The following FERMT1 variants were observed in gnomAD, a reference collection of about 807,000 sequenced individuals.
FERMT1 encodes FERM domain containing kindlin 1.
In FERMT1, 60 loss-of-function variants were observed where a neutral mutation model predicts 85.3. That is an observed-to-expected ratio of 0.70 (90% CI 0.57 to 0.87). FERMT1 has a LOEUF of 0.87. FERMT1 is among the 40% of genes least tolerant of loss of function. The pLI is 0.00. For missense variants in FERMT1, 701 were observed against 818.9 expected, an observed-to-expected ratio of 0.86 and a Z score of 1.76; for synonymous variants, 275 against 301.1, an observed-to-expected ratio of 0.91 and a Z score of 0.90.
chr20:6,119,029 C>A (rs974704928), intron 2 of FERMT1, among the ~76,000 whole-genome samples: 4 of 151,908 alleles, frequency 2.6e-5, no homozygotes, highest in Non-Finnish European at 4.4e-5. Context: ...CTCACTGCAA[C>A]CCCCGCCTCC....
In FERMT1 at chr20:6,077,322, C is replaced by T. The variant is rs1347340686; in HGVS notation, c.1885G>A (p.Val629Ile). 4 of 1,613,996 alleles carry T rather than the reference C, an allele frequency of 2.5e-6. No individual in the cohort carries two copies. In the African/African-American group the frequency reaches 5.3e-5, roughly 22 times the overall value. Residue 629 changes from valine (V) to isoleucine (I), a missense_variant, in exon 15 of 15, where the codon GTC becomes ATC. Physicochemically the swap from Val to Ile is conservative, Grantham distance 29. Transcript: ENST00000217289. ...CTCAGGCAGGTGAAAGCAGTAAAGACGTTTTGGTCAAACTCGATGACCACC... is the reference window on the plus strand; with the variant it reads ...CTCAGGCAGGTGAAAGCAGTAAAGATGTTTTGGTCAAACTCGATGACCACC... ...RQVVIEFDQNVFTAFTCLSAD... is the reference protein window; with the variant it reads ...RQVVIEFDQNIFTAFTCLSAD...
At chr20:6,092,824 T>C (rs573407143) in intron 9 of FERMT1, among the ~76,000 whole-genome samples, 2 of 152,314 alleles carry the variant, frequency 1.3e-5, no homozygotes, top group African/African-American at 4.8e-5. Flanking sequence ...CCTCAAACCA[T>C]GACAACCTGT....
chr20:6,106,828 T>C (rs1016948763), intron 6 of FERMT1, among the ~76,000 whole-genome samples: 5 of 152,156 alleles, frequency 3.3e-5, no homozygotes, highest in African/African-American at 9.7e-5. Flanking sequence ...TGCACCATCA[T>C]GTGATCCTAG....
intron 9 of FERMT1, among the ~76,000 whole-genome samples, chr20:6,091,227 CT>C (rs111352312): frequency 3.3e-5 from 5 of 150,984 alleles, no homozygotes; most frequent in African/African-American, 1.2e-4. Flanking sequence ...TAAGACAGTT[CT>C]TTTTTTTGTT....
intron 2 of FERMT1, among the ~76,000 whole-genome samples, chr20:6,118,980 C>T (rs897098583): frequency 6.6e-5 from 10 of 150,768 alleles, no homozygotes; most frequent in Non-Finnish European, 1.2e-4. Context: ...CCGAGTCTTG[C>T]TCTGTCACCC....
At position 6,076,159 on chromosome 20, in the gene FERMT1, T is replaced by C. The variant is rs545499046; in HGVS notation, c.*1014A>G. 8 of 240,128 alleles carry C rather than the reference T, an allele frequency of 3.3e-5. No individual in the cohort carries two copies. Among genetic ancestry groups the C allele is most frequent in the Middle Eastern group, 1.6e-3 (1 of 620 alleles). The allele number at this position is 240,128 out of a possible 1,614,324, so 14.9% of individuals were successfully genotyped here. On this transcript the variant is annotated 3_prime_UTR_variant, in exon 15 of 15. Transcript: ENST00000217289. Reference sequence around the variant, plus strand: ...CAGCGATAAGAGGGACGCTTCCCCATGACCCAGACCAGCCTAAAGCCCCTG... The same window carrying C: ...CAGCGATAAGAGGGACGCTTCCCCACGACCCAGACCAGCCTAAAGCCCCTG...
At chr20:6,115,775 G>A (rs370113547) in intron 3 of FERMT1, 36 bp downstream of exon 3, 1 of 1,479,592 alleles carries the variant, frequency 6.8e-7, no homozygotes, top group Non-Finnish European at 9.5e-7. Flanking sequence ...CTTTGCAAGA[G>A]TCTACAGGGC....
At chr20:6,110,904 A>T (rs927968585) in intron 4 of FERMT1, among the ~76,000 whole-genome samples, 1 of 152,194 alleles carries the variant, frequency 6.6e-6, no homozygotes, top group African/African-American at 2.4e-5. Flanking sequence ...AGCCTTCAAA[A>T]ATCAACAGGG....
At chr20:6,080,253 T>A (rs978795795) in intron 13 of FERMT1, among the ~76,000 whole-genome samples, 1 of 152,096 alleles carries the variant, frequency 6.6e-6, no homozygotes, top group African/African-American at 2.4e-5. Flanking sequence ...AAAGGTCTTG[T>A]AGGCCACTGT....
rs185559251 is a variant in FERMT1 at position 6,112,527 on chromosome 20, A to T, written c.482T>A (p.Ile161Asn). ...KKDKNNKEPIIEDILNLESSP... is the reference protein window; with the variant it reads ...KKDKNNKEPINEDILNLESSP... ...ACTCTCCAGGTTTAGAATATCTTCA[A>T]TTATGGGTTCCTTATTATTTTTGTC... is the stretch of plus-strand genomic sequence containing the variant. The change falls in exon 4 of 15, where the codon ATT becomes AAT. Residue 161 changes from isoleucine to asparagine, a missense_variant. Transcript: ENST00000217289. 1 of 1,613,104 alleles carries T rather than the reference A, an allele frequency of 6.2e-7. No homozygotes were observed. The highest frequency in any genetic ancestry group is 8.5e-7 in the Non-Finnish European group (1 of 1,179,466).
intron 6 of FERMT1, among the ~76,000 whole-genome samples, chr20:6,103,790 A>G (rs1600440839): frequency 8.2e-6 from 1 of 122,114 alleles, no homozygotes; most frequent in Non-Finnish European, 1.7e-5. Flanking sequence ...TTTTTTGGCC[A>G]GATGTACAAT....
At chr20:6,078,160 C>T (rs570090758) in intron 14 of FERMT1, among the ~76,000 whole-genome samples, 4 of 152,310 alleles carry the variant, frequency 2.6e-5, no homozygotes, top group South Asian at 4.1e-4. Context: ...ACTAATGGTT[C>T]GTTCCTCCTC....
intron 11 of FERMT1, among the ~76,000 whole-genome samples, chr20:6,086,181 T>TG (rs1285006324): frequency 1.3e-5 from 2 of 150,876 alleles, no homozygotes; most frequent in African/African-American, 4.9e-5. Flanking sequence ...AGAAGTGCCA[T>TG]GGGGCACAGA....
At chr20:6,120,801 G>A (rs1214914654) in intron 1 of FERMT1, among the ~76,000 whole-genome samples, 1 of 152,170 alleles carries the variant, frequency 6.6e-6, no homozygotes, top group African/African-American at 2.4e-5. Context: ...AGCAGGTCTA[G>A]GGAGGGGCCA....
Position 6,102,738 on chromosome 20 carries a change from G to A in FERMT1, c.849+4794C>T, listed in dbSNP as rs547450995. The stretch of plus-strand genomic sequence containing the variant: ...AGAAACCTCAAGCTGGAAACCACAT[G>A]AGTTCTGCCACCTCTCCACTCCTTC... On this transcript the variant is annotated intron_variant, in intron 6 of 14. Coordinates refer to ENST00000217289, the MANE Select transcript of FERMT1 (RefSeq NM_017671.5). Among the ~76,000 whole-genome samples, 7 of 147,318 alleles carry A rather than the reference G, an allele frequency of 4.8e-5. No individual in the cohort carries two copies. The East Asian group carries it at 1.4e-3, about 29-fold the overall frequency.
At chr20:6,079,379 T>C in intron 14 of FERMT1, 57 bp downstream of exon 14, 1 of 1,583,836 alleles carries the variant, frequency 6.3e-7, no homozygotes, top group Non-Finnish European at 8.7e-7. Flanking sequence ...TAATCTGCAA[T>C]TCTGAGGGAC....
rs1315092105 is a variant in FERMT1 at position 6,104,356 on chromosome 20, G to T, written c.849+3176C>A. On this transcript the variant is annotated intron_variant, in intron 6 of 14. Transcript: ENST00000217289. This position sits in a 1 kb window ranked among gnomAD's most constrained non-coding sequence, Gnocchi z 4.2. ...TTGTAAATTTGCAGTGGCTTCATGG[G>T]TGTTCTTTCTTCTTCTTAGATTTGA... is the stretch of plus-strand genomic sequence containing the variant. 6.6e-6 allele frequency among the ~76,000 whole-genome samples: 1 copy of T among 152,090 alleles called. No homozygotes were observed. The highest frequency in any genetic ancestry group is 1.5e-5 in the Non-Finnish European group (1 of 68,020).
chr20:6,097,233 T>C (rs1342372505), intron 7 of FERMT1, among the ~76,000 whole-genome samples, 200 bp from the exon 8 acceptor site: 1 of 152,238 alleles, frequency 6.6e-6, no homozygotes, highest in Admixed American at 6.5e-5. Context: ...ATGTTACAAC[T>C]GGCTCTTTCT....
At chr20:6,112,755 C>T (rs1290774236) in intron 3 of FERMT1, 132 bp from the exon 4 acceptor site, 2 of 605,078 alleles carry the variant, frequency 3.3e-6, no homozygotes, top group African/African-American at 3.7e-5. Flanking sequence ...AAACTGCATC[C>T]CTTTTGAAGA....
Sources: allele counts gnomAD v4.1 joint callset (sites outside exome capture counted in the v4.1 genomes callset), GRCh38; gene constraint gnomAD v4.1.1; non-coding constraint Gnocchi (gnomAD v3.1); transcripts MANE v1.5; gene names NCBI Gene and HGNC (gene_info 2026-07-23, HGNC 2026-07-21).